Variants in METAP1 observed in about 807,000 individuals in gnomAD.
METAP1 encodes the protein methionine aminopeptidase 1.
A neutral mutation model predicts 53.8 loss-of-function variants in METAP1; 28 were observed. The observed-to-expected ratio is 0.52, with a 90% CI of 0.39 to 0.71. METAP1 has a LOEUF of 0.71. METAP1 is among the 30% of genes least tolerant of loss of function. The probability of loss-of-function intolerance (pLI) is 0.00; values close to 1 mark genes in which losing one functional copy is unlikely to be tolerated. For synonymous variants in METAP1, 181 were observed against 165.7 expected (o/e 1.09, Z -0.71); for missense variants, 389 against 479.8 (o/e 0.81, Z 1.77).
chr4:99,040,989 A>G (rs1725818546), intron 5 of METAP1, 54 bp from the exon 6 acceptor site: 3 of 1,236,698 alleles, frequency 2.4e-6, no homozygotes, highest in African/African-American at 3.0e-5. Flanking sequence ...TAGAAAGGGT[A>G]TAGATTTCTG....
chr4:98,998,783 A>G (rs1023432485), intron 1 of METAP1, among the ~76,000 whole-genome samples: 9 of 151,622 alleles, frequency 5.9e-5, no homozygotes, highest in East Asian at 1.9e-4. Context: ...TGTGCAATCT[A>G]TGATTACCTC....
chr4:99,048,666 G>C (rs2110398722), intron 8 of METAP1, 67 bp from the exon 9 acceptor site: 2 of 1,515,970 alleles, frequency 1.3e-6, no homozygotes, highest in East Asian at 4.5e-5. Context: ...CACTGCATCT[G>C]GTTGATAGTA....
At chr4:99,030,525 A>T (rs1384862833) in intron 2 of METAP1, among the ~76,000 whole-genome samples, 1 of 152,134 alleles carries the variant, frequency 6.6e-6, no homozygotes, top group Non-Finnish European at 1.5e-5. Context: ...GATCATCCTT[A>T]GGTGGCCAGC....
rs1396894908 is a variant in METAP1, at chr4:99,023,390, T to C, written c.115-5477T>C. Reference sequence around the variant, plus strand: ...TTTTTTGTCTTTGCATATGTGTTTATATATTAAGTATTTGTAAGTATTTAT... The same window carrying C: ...TTTTTTGTCTTTGCATATGTGTTTACATATTAAGTATTTGTAAGTATTTAT... On this transcript the variant is annotated intron_variant, in intron 1 of 10. Coordinates refer to ENST00000296411, the MANE Select transcript of METAP1 (RefSeq NM_015143.3). 5 of 875,340 alleles carry C rather than the reference T, an allele frequency of 5.7e-6. 1 individual carries two copies. The Admixed American group carries it at 2.2e-4, about 38-fold the overall frequency. 54.2% of individuals were successfully genotyped at this position (875,340 alleles called of 1,614,324 possible).
chr4:99,059,968 T>G lies in METAP1; in HGVS notation c.998-1186T>G, dbSNP rs187850813. On this transcript the variant is annotated intron_variant, in intron 10 of 10. Transcript: ENST00000296411. ...TTGTGTGCCTACCATTTTGAAATTA[T>G]ATCAGGAATTGAATGCTGTAATAAA... Among the ~76,000 whole-genome samples the G allele has an allele frequency of 2.6e-3, 401 of 152,334 alleles. 4 individuals carry two copies. The highest frequency in any genetic ancestry group is 9.2e-3 in the African/African-American group (382 of 41,580).
intron 2 of METAP1, among the ~76,000 whole-genome samples, chr4:99,029,461 A>G (rs1724831962): frequency 6.6e-6 from 1 of 152,202 alleles, no homozygotes; most frequent in African/African-American, 2.4e-5. Context: ...TGTCAGCCAC[A>G]CTGATGTAGC....
chr4:99,026,635 A>G, intron 1 of METAP1: 2 of 985,402 alleles, frequency 2.0e-6, no homozygotes, highest in Non-Finnish European at 2.4e-6. Flanking sequence ...GGAGTCAGAA[A>G]TTAACTCTTC....
chr4:99,023,490 A>G (rs1299782108), intron 1 of METAP1: 26 of 985,228 alleles, frequency 2.6e-5, no homozygotes, highest in Non-Finnish European at 3.0e-5. Context: ...CTAACATTGT[A>G]TGGTGTGCTT....
intron 1 of METAP1, among the ~76,000 whole-genome samples, chr4:99,016,254 A>G (rs1723759892): frequency 6.6e-6 from 1 of 152,042 alleles, no homozygotes; most frequent in Non-Finnish European, 1.5e-5. Flanking sequence ...AAGTAAGGCA[A>G]TCCATATAAC....
At chr4:99,014,428 A>G (rs900552335) in intron 1 of METAP1, among the ~76,000 whole-genome samples, 3 of 152,206 alleles carry the variant, frequency 2.0e-5, no homozygotes, top group African/African-American at 7.2e-5. Flanking sequence ...TTCATCTGCA[A>G]TTCCCCTGAC....
intron 1 of METAP1, among the ~76,000 whole-genome samples, chr4:98,998,265 G>C (rs1442167009): frequency 6.6e-6 from 1 of 152,216 alleles, no homozygotes; most frequent in East Asian, 1.9e-4. Flanking sequence ...GCTCACACCT[G>C]TAATCTCAGC....
At chr4:99,004,468 CACACACACACACACAT>C (rs200740588) in intron 1 of METAP1, among the ~76,000 whole-genome samples, 502 of 19,972 alleles carry the variant, frequency 0.025, 6 homozygotes, top group African/African-American at 0.059. Flanking sequence ...CACACACACA[CACACACACACACACAT>C]ACACACACAC....
At chr4:99,007,316 A>G (rs1481221584) in intron 1 of METAP1, among the ~76,000 whole-genome samples, 1 of 152,184 alleles carries the variant, frequency 6.6e-6, no homozygotes, top group Non-Finnish European at 1.5e-5. Context: ...TCATCACATC[A>G]GGAGGCACAG....
At chr4:99,059,181 A>C (rs112181383) in intron 10 of METAP1, among the ~76,000 whole-genome samples, 228 of 152,360 alleles carry the variant, frequency 1.5e-3, no homozygotes, top group African/African-American at 5.1e-3. Context: ...TAGCAGATAT[A>C]CTTGAAGTGT....
intron 1 of METAP1, among the ~76,000 whole-genome samples, chr4:99,009,772 C>G (rs1302254755): frequency 6.6e-6 from 1 of 152,130 alleles, no homozygotes; most frequent in East Asian, 1.9e-4. Flanking sequence ...TAGATGTCAA[C>G]CCATTACCAG....
In METAP1 at chr4:99,031,567, T is replaced by A. The variant is rs1429671720; in HGVS notation, c.166+2649T>A. The A allele has an allele frequency of 5.4e-6, 7 of 1,288,410 alleles. No homozygotes were observed. In the African/African-American group the frequency reaches 1.1e-4, roughly 20 times the overall value. 79.8% of individuals were successfully genotyped at this position (1,288,410 alleles called of 1,614,324 possible). On this transcript the variant is annotated intron_variant, in intron 2 of 10. Coordinates refer to ENST00000296411, the MANE Select transcript of METAP1 (RefSeq NM_015143.3). ...CACCAAACTTTGTGACCATGGGTTA[T>A]TCTAAGTCTCACCTCCAAGATGCTG...
At chr4:99,052,810 T>C (rs760786521) in intron 9 of METAP1, among the ~76,000 whole-genome samples, 5 of 152,248 alleles carry the variant, frequency 3.3e-5, no homozygotes, top group Admixed American at 3.3e-4. Context: ...TAGCTTGTGA[T>C]ATTGTTTGAT....
At chr4:99,038,513 G>A (rs1725598919) in intron 4 of METAP1, among the ~76,000 whole-genome samples, 1 of 151,960 alleles carries the variant, frequency 6.6e-6, no homozygotes, top group Non-Finnish European at 1.5e-5. Context: ...TTGCCTTCTG[G>A]TATGAATCTC....
intron 1 of METAP1, among the ~76,000 whole-genome samples, chr4:99,005,181 A>T (rs905022401): frequency 3.3e-5 from 5 of 152,196 alleles, no homozygotes; most frequent in African/African-American, 1.2e-4. Context: ...AATAATAATA[A>T]TAATCACAGT....
Sources: gnomAD v4.1 joint callset for allele counts (sites outside exome capture counted in the v4.1 genomes callset) on GRCh38, gnomAD v4.1.1 for gene constraint, MANE v1.5 for transcripts, NCBI Gene and HGNC (gene_info 2026-07-23, HGNC 2026-07-21) for gene names.